FANCC: variants seen among roughly 807,000 people sequenced by gnomAD.
FANCC encodes the protein FA complementation group C, also known as Fanconi anemia group C protein.
A neutral mutation model predicts 71.3 loss-of-function variants in FANCC; 55 were observed. The observed-to-expected ratio is 0.77, with a 90% CI of 0.62 to 0.97. The LOEUF (loss-of-function observed/expected upper bound fraction) is 0.97, where lower values mean the gene tolerates loss of function less well. Among genes scored for constraint, FANCC ranks in the 50% least tolerant of loss-of-function variants. FANCC has a pLI of 0.00. For missense variants in FANCC, 678 were observed against 670.9 expected, an observed-to-expected ratio of 1.01 and a Z score of -0.12; for synonymous variants, 275 against 244.9, an observed-to-expected ratio of 1.12 and a Z score of -1.15.
At chr9:95,112,771 A>C (rs1209897830) in intron 12 of FANCC, among the ~76,000 whole-genome samples, 1 of 152,224 alleles carries the variant, frequency 6.6e-6, no homozygotes, top group African/African-American at 2.4e-5. Flanking sequence ...AGCTGAATGC[A>C]CAAGCAGTCC....
intron 4 of FANCC, among the ~76,000 whole-genome samples, chr9:95,221,553 T>C (rs1415516690): frequency 2.6e-5 from 4 of 152,116 alleles, no homozygotes; most frequent in African/African-American, 4.8e-5. Flanking sequence ...ATTTAAAACA[T>C]ATGCACTTTT....
chr9:95,166,627 C>T (rs894913161), intron 6 of FANCC, among the ~76,000 whole-genome samples: 3 of 152,098 alleles, frequency 2.0e-5, no homozygotes, highest in Admixed American at 6.5e-5. Flanking sequence ...GATTTATGTA[C>T]ACTCAGCCCT....
rs2072240134 is a variant in FANCC, at chr9:95,114,627, AC to A, written c.1154+1del. 1 of 1,613,478 alleles carries A rather than the reference AC, an allele frequency of 6.2e-7. No individual in the cohort carries two copies. The highest frequency in any genetic ancestry group is 2.2e-5 in the East Asian group (1 of 44,870). Reference sequence around the variant, plus strand: ...ATTTGGGAGTGGTCAGTGTTTGCTCACCCATGAGTCTGGTCTTCAACTGCTT... The same window carrying A: ...ATTTGGGAGTGGTCAGTGTTTGCTCACCATGAGTCTGGTCTTCAACTGCTT... On this transcript the variant is annotated splice_donor_variant, in intron 12 of 14. Coordinates refer to ENST00000289081, the MANE Select transcript of FANCC (RefSeq NM_000136.3). LOFTEE classifies it high-confidence loss of function.
intron 9 of FANCC, 106 bp downstream of exon 9, chr9:95,126,423 A>C (rs1825983695): frequency 2.7e-6 from 3 of 1,119,984 alleles, no homozygotes; most frequent in Admixed American, 1.9e-5. Flanking sequence ...CAGAAACTCT[A>C]ATTTCCCCAT....
At chr9:95,303,625 AC>A (rs1457303877) in intron 1 of FANCC, among the ~76,000 whole-genome samples, 2 of 152,200 alleles carry the variant, frequency 1.3e-5, no homozygotes, top group African/African-American at 4.8e-5. Flanking sequence ...GTAGGCAGCC[AC>A]CTGTGTCCTC....
At chr9:95,158,221 C>T (rs763195396) in intron 6 of FANCC, among the ~76,000 whole-genome samples, 4 of 152,164 alleles carry the variant, frequency 2.6e-5, no homozygotes, top group Admixed American at 6.5e-5. Context: ...ATACCTCTTC[C>T]TCTACCAGCC....
chr9:95,259,221 C>T (rs924701067), intron 1 of FANCC, among the ~76,000 whole-genome samples: 3 of 152,108 alleles, frequency 2.0e-5, no homozygotes, highest in Admixed American at 2.0e-4. Context: ...AAAAAAAAGT[C>T]CATATAGCCA....
chr9:95,205,317 T>C (rs557841130), intron 4 of FANCC, among the ~76,000 whole-genome samples: 3 of 152,202 alleles, frequency 2.0e-5, no homozygotes, highest in African/African-American at 7.2e-5. Flanking sequence ...TTTTTTTACA[T>C]AGTTCTTTTA....
intron 4 of FANCC, among the ~76,000 whole-genome samples, chr9:95,192,002 C>T (rs944477561): frequency 5.3e-5 from 8 of 152,070 alleles, no homozygotes; most frequent in Non-Finnish European, 1.2e-4. Flanking sequence ...ACATATCTCT[C>T]TTAAGGCCAA....
chr9:95,310,813 A>G (rs753580621), intron 1 of FANCC, among the ~76,000 whole-genome samples: 1 of 152,236 alleles, frequency 6.6e-6, no homozygotes, highest in Non-Finnish European at 1.5e-5. Context: ...ATGCAGTTAT[A>G]TAATAAAAAA....
At position 95,181,100 on chromosome 9, in the gene FANCC, G is replaced by T. The variant is rs1199426247; in HGVS notation, c.346-8953C>A. Among the ~76,000 whole-genome samples the T allele has an allele frequency of 2.0e-5, 3 of 151,838 alleles. No homozygotes were observed. In the East Asian group the frequency reaches 5.8e-4, roughly 29 times the overall value. Reference sequence around the variant, plus strand: ...TCAGTGGATGCCGGAAACCTTGAATGTACCTAACCTTTCTCTCTCCTCTCT... The same window carrying T: ...TCAGTGGATGCCGGAAACCTTGAATTTACCTAACCTTTCTCTCTCCTCTCT... On this transcript the variant is annotated intron_variant, in intron 4 of 14. Transcript: ENST00000289081.
Position 95,214,718 on chromosome 9 carries a change from T to C in FANCC, c.345+25931A>G, listed in dbSNP as rs922587253. 5.6e-4 allele frequency among the ~76,000 whole-genome samples: 85 copies of C among 152,342 alleles called. 1 individual carries two copies. The highest frequency in any genetic ancestry group is 1.9e-3 in the African/African-American group (77 of 41,582). ...ACTTACGTTAGAACATGGATGAACC[T>C]TGATGGCATTATGCTTAGTGGAGTA... On this transcript the variant is annotated intron_variant, in intron 4 of 14. Transcript: ENST00000289081.
intron 6 of FANCC, among the ~76,000 whole-genome samples, chr9:95,157,433 C>T (rs922156948): frequency 2.6e-5 from 4 of 152,152 alleles, no homozygotes; most frequent in Admixed American, 6.5e-5. Flanking sequence ...CTATTCTTTG[C>T]TACAAACCAT....
At chr9:95,271,660 A>G (rs1273850512) in intron 1 of FANCC, among the ~76,000 whole-genome samples, 2 of 152,154 alleles carry the variant, frequency 1.3e-5, no homozygotes, top group Non-Finnish European at 2.9e-5. Context: ...CTAATATCGC[A>G]TCCTGCAAGG....
intron 13 of FANCC, among the ~76,000 whole-genome samples, chr9:95,108,528 T>C (rs1368366186): frequency 6.6e-6 from 1 of 152,258 alleles, no homozygotes; most frequent in African/African-American, 2.4e-5. Context: ...CCAGACTGTC[T>C]TTCCCTTCAG....
chr9:95,265,150 T>C lies in FANCC; in HGVS notation c.-78-15781A>G, dbSNP rs575854183. ...AGTCAGTGGCGTTCCACCTCTGAGATAGTCTAATCAAAAACACAGACCTGA... is the reference window on the plus strand; with the variant it reads ...AGTCAGTGGCGTTCCACCTCTGAGACAGTCTAATCAAAAACACAGACCTGA... On this transcript the variant is annotated intron_variant, in intron 1 of 14. Transcript: ENST00000289081. 9.2e-5 allele frequency among the ~76,000 whole-genome samples: 14 copies of C among 152,322 alleles called. No individual in the cohort carries two copies. In the South Asian group the frequency reaches 2.1e-3, roughly 23 times the overall value.
chr9:95,146,449 C>G (rs945190475), intron 7 of FANCC, among the ~76,000 whole-genome samples: 2 of 121,824 alleles, frequency 1.6e-5, no homozygotes, highest in Non-Finnish European at 3.1e-5. Flanking sequence ...GACTGCACCA[C>G]TGCACTCCAG....
chr9:95,159,872 T>C (rs1830648963), intron 6 of FANCC, among the ~76,000 whole-genome samples: 1 of 152,102 alleles, frequency 6.6e-6, no homozygotes, highest in South Asian at 2.1e-4. Context: ...TTTGATGGGG[T>C]TGTTTGTTTT....
At chr9:95,159,183 G>GC (rs796189500) in intron 6 of FANCC, among the ~76,000 whole-genome samples, 62 of 151,960 alleles carry the variant, frequency 4.1e-4, no homozygotes, top group African/African-American at 1.5e-3. Flanking sequence ...CCCTCCCCTT[G>GC]CCCCCCACTC....
Sources: gnomAD v4.1 joint callset for allele counts (sites outside exome capture counted in the v4.1 genomes callset) on GRCh38, gnomAD v4.1.1 for gene constraint, MANE v1.5 for transcripts, NCBI Gene and HGNC (gene_info 2026-07-23, HGNC 2026-07-21) for gene names.